RALYL: variants seen among roughly 807,000 people sequenced by gnomAD.
RALYL encodes the protein RALY RNA binding protein like, also known as RNA-binding Raly-like protein.
A neutral mutation model predicts 35.1 loss-of-function variants in RALYL; 29 were observed. The ratio of observed to expected loss-of-function variants is 0.83; its 90% CI spans 0.61 to 1.13. The LOEUF (loss-of-function observed/expected upper bound fraction) is 1.13, where lower values mean the gene tolerates loss of function less well. RALYL is among the 50% of genes most tolerant of loss of function. The probability of loss-of-function intolerance (pLI) is 0.00; values close to 1 mark genes in which losing one functional copy is unlikely to be tolerated. For missense variants in RALYL, 359 were observed against 360.4 expected (o/e 1.00, Z 0.03); for synonymous variants, 120 against 127.6 (o/e 0.94, Z 0.40).
At chr8:84,578,065 C>G (rs1004816647) in intron 2 of RALYL, among the ~76,000 whole-genome samples, 7 of 152,332 alleles carry the variant, frequency 4.6e-5, no homozygotes, top group African/African-American at 1.7e-4. Context: ...TCTCATGCCA[C>G]CAGTCCAGAT....
At chr8:84,473,314 A>T (rs2053013978) in intron 1 of RALYL, among the ~76,000 whole-genome samples, 1 of 151,138 alleles carries the variant, frequency 6.6e-6, no homozygotes, top group African/African-American at 2.4e-5. Flanking sequence ...AGATTTAAAA[A>T]TATTAGTTTT....
intron 4 of RALYL, among the ~76,000 whole-genome samples, chr8:84,810,783 GT>G: frequency 6.6e-6 from 1 of 152,126 alleles, no homozygotes; most frequent in African/African-American, 2.4e-5. Context: ...TAAAGTTTTT[GT>G]TTTGTCTGAT....
intron 3 of RALYL, among the ~76,000 whole-genome samples, chr8:84,793,042 G>C (rs928700486): frequency 6.6e-6 from 1 of 152,164 alleles, no homozygotes; most frequent in African/African-American, 2.4e-5. Flanking sequence ...GGGAAAGACT[G>C]ACAGAAGTTA....
intron 2 of RALYL, among the ~76,000 whole-genome samples, chr8:84,695,751 C>T (rs1838999794): frequency 6.6e-6 from 1 of 151,742 alleles, no homozygotes; most frequent in Non-Finnish European, 1.5e-5. Context: ...TGGTAGCAAA[C>T]TTAGCAAAAC....
rs1468202928 is a variant in RALYL, at chr8:84,183,354, C to G, written c.-1094C>G. The G allele has an allele frequency of 1.3e-5, 2 of 154,310 alleles. No individual in the cohort carries two copies. Among genetic ancestry groups the G allele is most frequent in the African/African-American group, 4.8e-5 (2 of 41,464 alleles). 9.6% of individuals were successfully genotyped at this position (154,310 alleles called of 1,614,324 possible). ...TTGCCGCTCTCAGGCGCCAGGCTCC[C>G]CGTCGCCGCCGCCGCCGCCTCGCCA... On this transcript the variant is annotated 5_prime_UTR_variant, in exon 1 of 9. Transcript: ENST00000521268.
chr8:84,438,607 G>T (rs566654124), intron 1 of RALYL, among the ~76,000 whole-genome samples: 2 of 151,966 alleles, frequency 1.3e-5, no homozygotes, highest in African/African-American at 2.4e-5. Context: ...GCCCAGGCTG[G>T]TCTCAGATTC....
chr8:84,381,560 C>T (rs528965041), intron 1 of RALYL, among the ~76,000 whole-genome samples: 1 of 151,972 alleles, frequency 6.6e-6, no homozygotes, highest in East Asian at 1.9e-4. Flanking sequence ...TATGTTCCCT[C>T]TATTTCCTTC....
chr8:84,466,169 C>T (rs1181137589), intron 1 of RALYL, among the ~76,000 whole-genome samples: 3 of 134,776 alleles, frequency 2.2e-5, no homozygotes, highest in African/African-American at 8.8e-5. Flanking sequence ...GCCAGAACTT[C>T]CAACAGTATG....
chr8:84,398,973 CAAAAAAA>C (rs10551190), intron 1 of RALYL, among the ~76,000 whole-genome samples: 2 of 133,488 alleles, frequency 1.5e-5, no homozygotes, highest in Admixed American at 7.4e-5. Flanking sequence ...GACTCTGTCT[CAAAAAAA>C]AAAAAAAAAA....
chr8:84,911,253 C>G (rs926128435), intron 8 of RALYL, among the ~76,000 whole-genome samples: 33 of 152,014 alleles, frequency 2.2e-4, no homozygotes, highest in African/African-American at 8.0e-4. Flanking sequence ...CTAGAATATG[C>G]TTTTGAAAGA....
chr8:84,844,563 A>G (rs1239386514), intron 4 of RALYL, among the ~76,000 whole-genome samples: 3 of 152,218 alleles, frequency 2.0e-5, no homozygotes, highest in Non-Finnish European at 4.4e-5. Context: ...CAGTGTGGCA[A>G]TTCCTCAGGG....
intron 1 of RALYL, among the ~76,000 whole-genome samples, chr8:84,321,215 A>T (rs1021200699): frequency 7.2e-5 from 11 of 152,274 alleles, no homozygotes; most frequent in African/African-American, 2.4e-4. Flanking sequence ...TGGGACTTAC[A>T]GTCTTTGCTT....
chr8:84,266,762 C>A (rs1042827031), intron 1 of RALYL, among the ~76,000 whole-genome samples: 3 of 151,976 alleles, frequency 2.0e-5, no homozygotes, highest in African/African-American at 7.2e-5. Context: ...AGATCGAGAC[C>A]ATCCGGGCTA....
chr8:84,623,462 C>T (rs1412564627), intron 2 of RALYL, among the ~76,000 whole-genome samples: 1 of 127,648 alleles, frequency 7.8e-6, no homozygotes, highest in East Asian at 1.9e-4. Context: ...ATATTTTACC[C>T]CTTAGGTCAT....
At chr8:84,566,149 G>A (rs1485103005) in intron 2 of RALYL, among the ~76,000 whole-genome samples, 1 of 151,458 alleles carries the variant, frequency 6.6e-6, no homozygotes, top group Non-Finnish European at 1.5e-5. Context: ...AAAGAATGAT[G>A]ATCTTGAATT....
At chr8:84,462,601 ATTT>A (rs10667055) in intron 1 of RALYL, among the ~76,000 whole-genome samples, 1 of 136,826 alleles carries the variant, frequency 7.3e-6, no homozygotes. Context: ...ATCTAGATTC[ATTT>A]TTTTTTTTTT....
chr8:84,483,170 A>G (rs2054226586), intron 1 of RALYL, among the ~76,000 whole-genome samples: 1 of 152,090 alleles, frequency 6.6e-6, no homozygotes, highest in African/African-American at 2.4e-5. Context: ...TCAATTTCTA[A>G]TTGCAAATTG....
chr8:84,186,603 A>G (rs890564685), intron 1 of RALYL, among the ~76,000 whole-genome samples: 3 of 152,196 alleles, frequency 2.0e-5, no homozygotes, highest in Non-Finnish European at 4.4e-5. Context: ...TGGGCAAAGC[A>G]CTAGCTGTAC....
chr8:84,818,092 G>GTGAC (rs1827765407), intron 4 of RALYL, among the ~76,000 whole-genome samples: 2 of 152,248 alleles, frequency 1.3e-5, no homozygotes, highest in South Asian at 4.1e-4. Flanking sequence ...CAGCACAGGA[G>GTGAC]TGACAGACTG....
Sources: gnomAD v4.1 joint callset for allele counts (sites outside exome capture counted in the v4.1 genomes callset) on GRCh38, gnomAD v4.1.1 for gene constraint, MANE v1.5 for transcripts, NCBI Gene and HGNC (gene_info 2026-07-23, HGNC 2026-07-21) for gene names.